The following CMIP variants were observed in gnomAD, a reference collection of about 807,000 sequenced individuals.
CMIP encodes the protein C-Maf-inducing protein.
CMIP carries 13 observed loss-of-function variants against 97.3 expected under a neutral mutation model. The ratio of observed to expected loss-of-function variants is 0.13; its 90% CI spans 0.09 to 0.21. The LOEUF is 0.21. CMIP is among the 10% of genes least tolerant of loss of function. The pLI is 1.00. For missense variants in CMIP, 847 were observed against 1,024.9 expected, an observed-to-expected ratio of 0.83 and a Z score of 2.37; for synonymous variants, 538 against 436.3, an observed-to-expected ratio of 1.23 and a Z score of -2.91.
At chr16:81,568,540 C>T (rs1170636870) in intron 1 of CMIP, among the ~76,000 whole-genome samples, 2 of 152,302 alleles carry the variant, frequency 1.3e-5, no homozygotes, top group African/African-American at 2.4e-5. Context: ...CTAGGGGTGA[C>T]CCAAGAGTGA....
At chr16:81,691,082 C>T (rs978172840) in intron 10 of CMIP, among the ~76,000 whole-genome samples, 7 of 152,174 alleles carry the variant, frequency 4.6e-5, no homozygotes, top group African/African-American at 1.7e-4. Context: ...GTGAGAATGG[C>T]CCCAGGGTCC....
In CMIP at chr16:81,704,850, C is replaced by A. The variant is rs765420340; in HGVS notation, c.2092-649C>A. On this transcript the variant is annotated intron_variant, in intron 18 of 20. Coordinates refer to ENST00000537098, the MANE Select transcript of CMIP (RefSeq NM_198390.3). ...AGGTTGAGGACCTCATGAAGCCCTG[C>A]AGCCCATTTCCCATTTGGAAATAAT... Among the ~76,000 whole-genome samples, 5 of 151,026 alleles carry A rather than the reference C, an allele frequency of 3.3e-5. No individual in the cohort carries two copies. In the East Asian group the frequency reaches 8.0e-4, roughly 24 times the overall value.
In CMIP at chr16:81,699,816, G is replaced by A. The variant is rs761530090; in HGVS notation, c.1755+15G>A. The A allele has an allele frequency of 3.2e-6, 5 of 1,568,716 alleles. No homozygotes were observed. The highest frequency in any genetic ancestry group is 1.3e-5 in the African/African-American group (1 of 74,138). ...CCATGGTGGAGGTAAGGAGCTGGTC[G>A]GGGTCCCTGGTGGGGTGGCTGGCTC... On this transcript the variant is annotated intron_variant, in intron 15 of 20. Transcript: ENST00000537098.
chr16:81,672,024 G>A lies in CMIP; in HGVS notation c.988G>A (p.Val330Met). ...CCGGGTCCTGCCCAACCTGGTGGCC[G>A]TGTGCCTGGCTGCCATCTACTCCTG... ...HPRVLPNLVA[V>M]CLAAIYSCYE... The change falls in exon 9 of 21, where the codon GTG (valine) becomes ATG (methionine). Residue 330 changes from valine to methionine, a missense_variant. By Grantham distance (21) the Val-to-Met change is conservative. Transcript: ENST00000537098. The A allele has an allele frequency of 6.2e-7, 1 of 1,605,958 alleles. No individual in the cohort carries two copies. Among genetic ancestry groups the A allele is most frequent in the Non-Finnish European group, 8.5e-7 (1 of 1,175,894 alleles).
At chr16:81,525,785 C>T (rs1410720748) in intron 1 of CMIP, among the ~76,000 whole-genome samples, 21 of 152,178 alleles carry the variant, frequency 1.4e-4, no homozygotes, top group Non-Finnish European at 4.4e-5. Context: ...TGCCTACTCC[C>T]GACCCCTGGC....
intron 1 of CMIP, among the ~76,000 whole-genome samples, chr16:81,563,174 G>T (rs1229604694): frequency 6.6e-6 from 1 of 152,210 alleles, no homozygotes; most frequent in Non-Finnish European, 1.5e-5. Flanking sequence ...TCTTGAAAAG[G>T]TGTCTACAGG....
chr16:81,588,559 A>G (rs913346462), intron 1 of CMIP, among the ~76,000 whole-genome samples: 3 of 152,034 alleles, frequency 2.0e-5, no homozygotes, highest in African/African-American at 7.3e-5. Flanking sequence ...ATCATTACCT[A>G]CTTCTTCTGA....
chr16:81,583,709 G>T (rs1038323640), intron 1 of CMIP, among the ~76,000 whole-genome samples: 1 of 152,152 alleles, frequency 6.6e-6, no homozygotes, highest in Non-Finnish European at 1.5e-5. Flanking sequence ...CGTTGCAGAG[G>T]CACTTCTAGA....
chr16:81,457,521 C>T (rs1450199742), intron 1 of CMIP, among the ~76,000 whole-genome samples: 1 of 152,168 alleles, frequency 6.6e-6, no homozygotes, highest in African/African-American at 2.4e-5. Flanking sequence ...CTAGGTTGGC[C>T]TCCACCTGCC....
intron 1 of CMIP, among the ~76,000 whole-genome samples, chr16:81,537,972 C>G (rs1285052067): frequency 6.6e-6 from 1 of 152,228 alleles, no homozygotes; most frequent in Non-Finnish European, 1.5e-5. Context: ...GGGAAGAGAC[C>G]CGGCATTCCG....
intron 20 of CMIP, 78 bp from the exon 21 acceptor site, chr16:81,709,668 T>C: frequency 7.9e-6 from 12 of 1,524,274 alleles, no homozygotes; most frequent in East Asian, 2.3e-5. Flanking sequence ...CAGCCGGCAA[T>C]GCGGGTGGAG....
intron 3 of CMIP, among the ~76,000 whole-genome samples, chr16:81,651,803 C>T (rs752194692): frequency 1.3e-5 from 2 of 152,152 alleles, no homozygotes; most frequent in East Asian, 1.9e-4. Flanking sequence ...CTTGAGAGCC[C>T]GAGCACATGT....
chr16:81,537,200 C>G (rs917326907), intron 1 of CMIP, among the ~76,000 whole-genome samples: 1 of 152,194 alleles, frequency 6.6e-6, no homozygotes, highest in South Asian at 2.1e-4. Context: ...CTGCCTTGGC[C>G]TGGAGTGTCG....
intron 11 of CMIP, 116 bp from the exon 12 acceptor site, chr16:81,693,042 C>G (rs889097226): frequency 8.0e-6 from 6 of 750,768 alleles, no homozygotes; most frequent in Non-Finnish European, 1.4e-5. Context: ...TCACATTCCT[C>G]TTCATTCTTT....
intron 1 of CMIP, among the ~76,000 whole-genome samples, chr16:81,527,456 T>C (rs1224274392): frequency 1.3e-5 from 2 of 152,232 alleles, no homozygotes; most frequent in Non-Finnish European, 2.9e-5. Context: ...CTTCTTTCTT[T>C]TTATTGAAGT....
intron 1 of CMIP, among the ~76,000 whole-genome samples, chr16:81,567,755 G>T (rs1050792259): frequency 3.9e-5 from 6 of 152,200 alleles, no homozygotes; most frequent in South Asian, 2.1e-4. Flanking sequence ...CTTCTAAAGG[G>T]CATTTGCCTT....
intron 1 of CMIP, among the ~76,000 whole-genome samples, chr16:81,588,704 G>C (rs1597120429): frequency 6.6e-6 from 1 of 152,198 alleles, no homozygotes; most frequent in Non-Finnish European, 1.5e-5. Context: ...TTTTCTGTCT[G>C]TCTCCCCCAG....
intron 1 of CMIP, among the ~76,000 whole-genome samples, chr16:81,579,983 T>A (rs1377997081): frequency 6.6e-6 from 1 of 151,866 alleles, no homozygotes; most frequent in Non-Finnish European, 1.5e-5. Flanking sequence ...AAAAAAAAAA[T>A]GATATGACAG....
At chr16:81,640,001 G>C (rs548235809) in intron 3 of CMIP, among the ~76,000 whole-genome samples, 1 of 152,304 alleles carries the variant, frequency 6.6e-6, no homozygotes, top group East Asian at 1.9e-4. Context: ...TGAGAGGACA[G>C]CTTGGGGCCG....
Sources: gnomAD v4.1 joint callset for allele counts (sites outside exome capture counted in the v4.1 genomes callset) on GRCh38, gnomAD v4.1.1 for gene constraint, MANE v1.5 for transcripts, NCBI Gene and HGNC (gene_info 2026-07-23, HGNC 2026-07-21) for gene names.